Variants in MARVELD2 observed in about 807,000 individuals in gnomAD.
MARVELD2 encodes the protein MARVEL domain containing 2.
MARVELD2 carries 49 observed loss-of-function variants against 57.6 expected under a neutral mutation model. The ratio of observed to expected loss-of-function variants is 0.85; its 90% CI spans 0.68 to 1.08. The LOEUF is 1.08. MARVELD2 is among the 50% of genes least tolerant of loss of function. The pLI is 0.00. For missense variants in MARVELD2, 606 were observed against 701.1 expected, an observed-to-expected ratio of 0.86 and a Z score of 1.53; for synonymous variants, 238 against 258.8, an observed-to-expected ratio of 0.92 and a Z score of 0.77.
chr5:69,439,269 T>C (rs1426723961), intron 5 of MARVELD2, among the ~76,000 whole-genome samples: 45 of 151,744 alleles, frequency 3.0e-4, no homozygotes, highest in Non-Finnish European at 1.5e-5. Context: ...CAAGTGATTC[T>C]ACTGTCTCAA....
intron 4 of MARVELD2, 106 bp from the exon 5 acceptor site, chr5:69,432,811 ATGTAT>A: frequency 6.5e-7 from 1 of 1,529,800 alleles, no homozygotes; most frequent in South Asian, 1.1e-5. Flanking sequence ...CTGAGAGGTA[ATGTAT>A]TGAATTGAAG....
intron 3 of MARVELD2, among the ~76,000 whole-genome samples, chr5:69,427,942 T>C (rs1766845830): frequency 6.6e-6 from 1 of 152,084 alleles, no homozygotes; most frequent in Non-Finnish European, 1.5e-5. Flanking sequence ...TGAAACCCCA[T>C]TTCTACTAAA....
chr5:69,433,073 C>T lies in MARVELD2; in HGVS notation c.1483C>T (p.His495Tyr), dbSNP rs747114105. Reference sequence around the variant, plus strand: ...GGATGCAGTGATGAGCAGATTGCCACATCATTCGGAAAGCCGACAGGTTAG... The same window carrying T: ...GGATGCAGTGATGAGCAGATTGCCATATCATTCGGAAAGCCGACAGGTTAG... Reference protein sequence around the residue: ...ELDAVMSRLPHHSESRQEHER... With the variant: ...ELDAVMSRLPYHSESRQEHER... The change falls in exon 5 of 7, where the codon CAT becomes TAT. Residue 495 changes from histidine to tyrosine, a missense_variant. Coordinates refer to ENST00000325631, the MANE Select transcript of MARVELD2 (RefSeq NM_001038603.3). The T allele has an allele frequency of 2.5e-6, 4 of 1,602,818 alleles. No individual in the cohort carries two copies. The highest frequency in any genetic ancestry group is 3.4e-6 in the Non-Finnish European group (4 of 1,173,310).
At chr5:69,433,363 C>T (rs1023999791) in intron 5 of MARVELD2, among the ~76,000 whole-genome samples, 1 of 151,428 alleles carries the variant, frequency 6.6e-6, no homozygotes, top group African/African-American at 2.4e-5. Context: ...CGCGGTTTTG[C>T]CATGTTGGCC....
intron 6 of MARVELD2, among the ~76,000 whole-genome samples, chr5:69,441,321 A>G (rs1054089034): frequency 6.6e-6 from 1 of 151,588 alleles, no homozygotes; most frequent in African/African-American, 2.4e-5. Context: ...AGCACTTTGT[A>G]CTTCTGCTTG....
At chr5:69,428,936 T>C (rs1766876393) in intron 3 of MARVELD2, among the ~76,000 whole-genome samples, 1 of 152,234 alleles carries the variant, frequency 6.6e-6, no homozygotes, top group Non-Finnish European at 1.5e-5. Flanking sequence ...TTAATACCAT[T>C]ATTCGTTTTC....
chr5:69,432,562 C>T lies in MARVELD2; in HGVS notation c.1218C>T (p.Asp406=). The T allele has an allele frequency of 1.9e-6, 3 of 1,614,166 alleles. No homozygotes were observed. Among genetic ancestry groups the T allele is most frequent in the Non-Finnish European group, 2.5e-6 (3 of 1,180,032 alleles). The change falls in exon 4 of 7, where the codon GAC becomes GAT. Residue 406 remains aspartate (D), a synonymous_variant. Coordinates refer to ENST00000325631, the MANE Select transcript of MARVELD2 (RefSeq NM_001038603.3). ...EMATSGDRQR[D]SEVNFKELRT... The stretch of plus-strand genomic sequence containing the variant: ...CCACCAGTGGTGACAGACAAAGAGA[C>T]TCAGAAGTTAATTTCAAGGAACTGA...
rs1019042428 is a variant in MARVELD2, at chr5:69,444,084, A to C, written c.*2430A>C. The C allele has an allele frequency of 2.0e-5, 3 of 150,208 alleles. No homozygotes were observed. The highest frequency in any genetic ancestry group is 6.7e-5 in the Admixed American group (1 of 15,010). The allele number at this position is 150,208 out of a possible 1,614,324, so 9.3% of individuals were successfully genotyped here. On this transcript the variant is annotated 3_prime_UTR_variant, in exon 7 of 7. Coordinates refer to ENST00000325631, the MANE Select transcript of MARVELD2 (RefSeq NM_001038603.3). ...TAGATTCCTGTTGAAGTGTTAAGGA[A>C]ATTTAACTTTGTGAAACTTTTAAAA...
chr5:69,433,955 T>TACTTA (rs1767056146), intron 5 of MARVELD2, among the ~76,000 whole-genome samples: 1 of 152,128 alleles, frequency 6.6e-6, no homozygotes, highest in Non-Finnish European at 1.5e-5. Context: ...TTTATTTTCT[T>TACTTA]ACTTAAGTAA....
chr5:69,418,211 T>A (rs1315900609), intron 1 of MARVELD2, among the ~76,000 whole-genome samples: 1 of 152,180 alleles, frequency 6.6e-6, no homozygotes, highest in African/African-American at 2.4e-5. Context: ...CCAGTTTAAG[T>A]CTTCAATAAT....
At chr5:69,417,217 G>A (rs952411267) in intron 1 of MARVELD2, among the ~76,000 whole-genome samples, 11 of 152,312 alleles carry the variant, frequency 7.2e-5, no homozygotes, top group African/African-American at 2.6e-4. Context: ...TCTCTGTGAA[G>A]ATTTCCCTGC....
In MARVELD2 at chr5:69,440,454, A is replaced by G. The variant is rs541544525; in HGVS notation, c.1508A>G (p.His503Arg). The stretch of plus-strand genomic sequence containing the variant: ...TATACAATGTATTATTTTTAGGAAC[A>G]TGAGAGAATTTCAAGAATCCATGAA... The part of the protein sequence containing the change: ...LPHHSESRQE[H>R]ERISRIHEEF... The change falls in exon 6 of 7, where the codon CAT becomes CGT. Residue 503 changes from histidine to arginine, a missense_variant. By Grantham distance (29) the His-to-Arg change is conservative (BLOSUM62 0). Transcript: ENST00000325631. The G allele has an allele frequency of 6.4e-6, 9 of 1,403,636 alleles. No homozygotes were observed. In the East Asian group the frequency reaches 1.6e-4, roughly 25 times the overall value. 86.9% of individuals were successfully genotyped at this position (1,403,636 alleles called of 1,614,324 possible). A position where few individuals can be genotyped will look rare whatever the true frequency, so the allele number is the denominator to read the frequency against.
rs1405399036 is a variant in MARVELD2, at chr5:69,419,696, C to T, written c.311C>T (p.Ser104Phe). Reference protein sequence around the residue: ...KKDPEWDKPVSDIRYISDGVE... With the variant: ...KKDPEWDKPVFDIRYISDGVE... Reference sequence around the variant, plus strand: ...GACCCCGAATGGGATAAGCCGGTGTCTGATATCAGGTACATCTCCGATGGA... The same window carrying T: ...GACCCCGAATGGGATAAGCCGGTGTTTGATATCAGGTACATCTCCGATGGA... The change falls in exon 2 of 7, where the codon TCT becomes TTT. Residue 104 changes from serine (S) to phenylalanine (F), a missense_variant. Ser to Phe is a radical substitution (Grantham distance 155, BLOSUM62 -2). Coordinates refer to ENST00000325631, the MANE Select transcript of MARVELD2 (RefSeq NM_001038603.3). The T allele has an allele frequency of 6.2e-7, 1 of 1,614,056 alleles. No homozygotes were observed. The highest frequency in any genetic ancestry group is 1.3e-5 in the African/African-American group (1 of 74,934).
rs1289597470 is a variant in MARVELD2 at position 69,419,904 on chromosome 5, T to C, written c.519T>C (p.Ser173=). 2 of 1,613,754 alleles carry C rather than the reference T, an allele frequency of 1.2e-6. No individual in the cohort carries two copies. Among genetic ancestry groups the C allele is most frequent in the Non-Finnish European group, 1.7e-6 (2 of 1,180,004 alleles). ...ACACACAAACAGTTCGAACATACAG[T>C]GAGAAGGTGGAGGAGTATAACCTGA... ...DRHTQTVRTY[S]EKVEEYNLRY... is the part of the protein sequence containing the mutation. The change falls in exon 2 of 7, where the codon AGT becomes AGC. Residue 173 remains serine, a synonymous_variant. Coordinates refer to ENST00000325631, the MANE Select transcript of MARVELD2 (RefSeq NM_001038603.3).
chr5:69,431,361 C>A (rs1236549576), intron 3 of MARVELD2, among the ~76,000 whole-genome samples: 1 of 152,078 alleles, frequency 6.6e-6, no homozygotes, highest in Non-Finnish European at 1.5e-5. Flanking sequence ...GATCCACCGA[C>A]CTCGGCCTCC....
At chr5:69,439,062 CAAAAAAAAAA>C (rs11315832) in intron 5 of MARVELD2, among the ~76,000 whole-genome samples, 1 of 89,270 alleles carries the variant, frequency 1.1e-5, no homozygotes, top group Non-Finnish European at 2.2e-5. Flanking sequence ...GACCCTGTCT[CAAAAAAAAAA>C]AAAAAAAAAG....
chr5:69,433,089 G>A lies in MARVELD2; in HGVS notation c.1499G>A (p.Arg500Gln), dbSNP rs746116082. 40 of 1,611,982 alleles carry A rather than the reference G, an allele frequency of 2.5e-5. No individual in the cohort carries two copies. The East Asian group carries it at 5.4e-4, about 22-fold the overall frequency. ...AGATTGCCACATCATTCGGAAAGCC[G>A]ACAGGTTAGTATGTGCAGCTGCCTA... ...MSRLPHHSESRQEHERISRIH... is the reference protein window; with the variant it reads ...MSRLPHHSESQQEHERISRIH... The change falls in exon 5 of 7, where the codon CGA becomes CAA. Residue 500 changes from arginine (R) to glutamine (Q), a missense_variant. By Grantham distance (43) the Arg-to-Gln change is conservative. Coordinates refer to ENST00000325631, the MANE Select transcript of MARVELD2 (RefSeq NM_001038603.3).
intron 5 of MARVELD2, 21 bp from the exon 6 acceptor site, chr5:69,440,429 T>C: frequency 8.6e-7 from 1 of 1,166,908 alleles, no homozygotes; most frequent in Non-Finnish European, 1.3e-6. Context: ...TTAACTTAAG[T>C]ATACAATGTA....
Position 69,432,509 on chromosome 5 carries a change from T to A in MARVELD2, c.1183-18T>A, listed in dbSNP as rs746621334. 5 of 1,613,504 alleles carry A rather than the reference T, an allele frequency of 3.1e-6. No individual in the cohort carries two copies. In the South Asian group the frequency reaches 4.4e-5, roughly 14 times the overall value. On this transcript the variant is annotated intron_variant, in intron 3 of 6. Transcript: ENST00000325631. ...ACTTATGTTTATTAACAAATCCTCT[T>A]TTTCTCCCTAACTGCAGTGTGAAAT...
Sources: allele counts gnomAD v4.1 joint callset (sites outside exome capture counted in the v4.1 genomes callset), GRCh38; gene constraint gnomAD v4.1.1; transcripts MANE v1.5; gene names NCBI Gene and HGNC (gene_info 2026-07-23, HGNC 2026-07-21).